CDKAL1: variants seen among roughly 807,000 people sequenced by gnomAD.
The protein encoded by CDKAL1 is threonylcarbamoyladenosine tRNA methylthiotransferase.
Under a neutral mutation model 68.2 loss-of-function variants are expected in CDKAL1, and 32 were observed. The ratio of observed to expected loss-of-function variants is 0.47; its 90% CI spans 0.35 to 0.63. CDKAL1 has a LOEUF of 0.63. Ranked by LOEUF, CDKAL1 falls within the 30% of genes least tolerant of loss-of-function variation. The pLI, the probability that CDKAL1 is intolerant of heterozygous loss-of-function variation, is 0.00. For missense variants in CDKAL1, 606 were observed against 696.7 expected (o/e 0.87, Z 1.47); for synonymous variants, 234 against 244.3 (o/e 0.96, Z 0.39).
At chr6:20,890,098 G>A (rs896792741) in intron 9 of CDKAL1, among the ~76,000 whole-genome samples, 8 of 152,128 alleles carry the variant, frequency 5.3e-5, no homozygotes, top group Non-Finnish European at 1.0e-4. Context: ...AAAACTTCTA[G>A]TTAATGATAT....
chr6:21,116,200 A>C (rs1241795936), intron 13 of CDKAL1, among the ~76,000 whole-genome samples: 1 of 152,260 alleles, frequency 6.6e-6, no homozygotes, highest in South Asian at 2.1e-4. Context: ...TTCTTACTGT[A>C]ACTGCAGAGA....
At chr6:20,625,895 T>C (rs950241339) in intron 4 of CDKAL1, among the ~76,000 whole-genome samples, 1 of 152,170 alleles carries the variant, frequency 6.6e-6, no homozygotes, top group African/African-American at 2.4e-5. Context: ...TTACTCTTTC[T>C]TACTAGCTTA....
intron 15 of CDKAL1, among the ~76,000 whole-genome samples, chr6:21,223,491 C>A (rs368581299): frequency 1.3e-5 from 2 of 152,164 alleles, no homozygotes; most frequent in African/African-American, 2.4e-5. Flanking sequence ...CTCGCTGAAT[C>A]CTTGTGCTTC....
At chr6:21,006,070 A>G (rs554741514) in intron 11 of CDKAL1, among the ~76,000 whole-genome samples, 28 of 152,132 alleles carry the variant, frequency 1.8e-4, no homozygotes, top group Non-Finnish European at 3.4e-4. Flanking sequence ...AGCCCATCCT[A>G]TGACCTACTT....
rs1296218664 is a variant in CDKAL1, at chr6:20,637,038, AAAAAAAAAAAAAAAG to A, written c.287-12248_287-12234del. ...GGTGACAGAGTGAGACTCCGTCTCA[AAAAAAAAAAAAAAAG>A]AAAAAAGAAAAAAGAAAGGACTGTT... On this transcript the variant is annotated intron_variant, in intron 4 of 15. Coordinates refer to ENST00000274695, the MANE Select transcript of CDKAL1 (RefSeq NM_017774.3). Among the ~76,000 whole-genome samples the A allele has an allele frequency of 1.1e-3, 15 of 13,268 alleles. No individual in the cohort carries two copies. In the East Asian group the frequency reaches 0.078, roughly 69 times the overall value. The allele number at this position is 13,268 out of a possible 152,430, so 8.7% of individuals were successfully genotyped here. A position where few individuals can be genotyped will look rare whatever the true frequency, so the allele number is the denominator to read the frequency against.
At chr6:20,893,950 T>C (rs1761542696) in intron 9 of CDKAL1, among the ~76,000 whole-genome samples, 1 of 152,228 alleles carries the variant, frequency 6.6e-6, no homozygotes, top group African/African-American at 2.4e-5. Flanking sequence ...TTTATGTTAA[T>C]AATGCAGTCC....
chr6:20,824,333 C>T (rs1777409260), intron 8 of CDKAL1, among the ~76,000 whole-genome samples: 1 of 152,128 alleles, frequency 6.6e-6, no homozygotes. Context: ...TAAAACAGCA[C>T]ACATTTATTA....
intron 9 of CDKAL1, among the ~76,000 whole-genome samples, chr6:20,881,701 A>T (rs1760830642): frequency 6.6e-6 from 1 of 152,114 alleles, no homozygotes; most frequent in South Asian, 2.1e-4. Context: ...CATATTTGTT[A>T]ACATGTTGCT....
intron 4 of CDKAL1, among the ~76,000 whole-genome samples, chr6:20,636,092 C>T (rs1037710714): frequency 6.6e-6 from 1 of 152,186 alleles, no homozygotes; most frequent in African/African-American, 2.4e-5. Context: ...GAGGGTCTTA[C>T]AACCTGCTTC....
chr6:20,872,328 T>C (rs1760265506), intron 9 of CDKAL1, among the ~76,000 whole-genome samples: 1 of 152,206 alleles, frequency 6.6e-6, no homozygotes, highest in South Asian at 2.1e-4. Context: ...TTTATTCTTA[T>C]AGCTTTGATT....
At chr6:20,903,139 C>G (rs1762084669) in intron 9 of CDKAL1, among the ~76,000 whole-genome samples, 2 of 152,134 alleles carry the variant, frequency 1.3e-5, no homozygotes, top group South Asian at 4.1e-4. Context: ...TACATTTGAA[C>G]AGCCAAACTA....
chr6:21,174,358 A>T (rs887980129), intron 13 of CDKAL1, among the ~76,000 whole-genome samples: 1 of 152,238 alleles, frequency 6.6e-6, no homozygotes, highest in African/African-American at 2.4e-5. Context: ...CAAAAGTTCA[A>T]CAGGGTTTTT....
At chr6:20,945,770 A>C (rs1764208045) in intron 9 of CDKAL1, among the ~76,000 whole-genome samples, 1 of 152,248 alleles carries the variant, frequency 6.6e-6, no homozygotes, top group South Asian at 2.1e-4. Flanking sequence ...GGTGATACCA[A>C]CTAAAAACCA....
intron 15 of CDKAL1, among the ~76,000 whole-genome samples, chr6:21,214,639 A>G (rs898576750): frequency 1.6e-4 from 24 of 152,118 alleles, no homozygotes; most frequent in African/African-American, 5.6e-4. Context: ...AGTCGTCTAT[A>G]AAACCCCAAG....
chr6:20,556,834 G>A (rs1764062448), intron 4 of CDKAL1, among the ~76,000 whole-genome samples: 2 of 151,844 alleles, frequency 1.3e-5, no homozygotes, highest in South Asian at 2.1e-4. Flanking sequence ...TCAGGAGATC[G>A]AGGCCATCCT....
chr6:20,745,789 A>G (rs1176675948), intron 6 of CDKAL1, among the ~76,000 whole-genome samples: 2 of 152,188 alleles, frequency 1.3e-5, no homozygotes, highest in Non-Finnish European at 2.9e-5. Context: ...GTTGGGCCAC[A>G]TTCAAAGCTG....
chr6:20,598,559 CAT>C (rs969456664), intron 4 of CDKAL1, among the ~76,000 whole-genome samples: 16 of 152,264 alleles, frequency 1.1e-4, no homozygotes, highest in South Asian at 8.3e-4. Flanking sequence ...AGCATAGACA[CAT>C]GTTTTAAATT....
At chr6:21,040,371 A>G (rs916092857) in intron 11 of CDKAL1, among the ~76,000 whole-genome samples, 6 of 152,156 alleles carry the variant, frequency 3.9e-5, no homozygotes, top group African/African-American at 9.7e-5. Context: ...TTGTACCCCT[A>G]TGATAAAGCT....
At chr6:20,536,055 A>G (rs1439390277) in intron 2 of CDKAL1, among the ~76,000 whole-genome samples, 1 of 151,218 alleles carries the variant, frequency 6.6e-6, no homozygotes, top group Non-Finnish European at 1.5e-5. Flanking sequence ...CAGCCTCCCA[A>G]GTAGCTGGGA....
Sources: allele counts gnomAD v4.1 joint callset (sites outside exome capture counted in the v4.1 genomes callset), GRCh38; gene constraint gnomAD v4.1.1; transcripts MANE v1.5; gene names NCBI Gene and HGNC (gene_info 2026-07-23, HGNC 2026-07-21).